PRPF6: variants seen among roughly 807,000 people sequenced by gnomAD.
The protein encoded by PRPF6 is pre-mRNA processing factor 6, also known as pre-mRNA-processing factor 6.
A neutral mutation model predicts 118.3 loss-of-function variants in PRPF6; 42 were observed. The ratio of observed to expected loss-of-function variants is 0.35; its 90% CI spans 0.28 to 0.46. The LOEUF is 0.46. Ranked by LOEUF, PRPF6 falls within the 20% of genes least tolerant of loss-of-function variation. The pLI, the probability that PRPF6 is intolerant of heterozygous loss-of-function variation, is 1.00. For synonymous variants in PRPF6, 481 were observed against 485.1 expected, an observed-to-expected ratio of 0.99 and a Z score of 0.11; for missense variants, 662 against 1,255.7, an observed-to-expected ratio of 0.53 and a Z score of 7.15.
intron 3 of PRPF6, among the ~76,000 whole-genome samples, chr20:63,988,374 G>A (rs1482301412): frequency 6.6e-6 from 1 of 151,554 alleles, no homozygotes; most frequent in African/African-American, 2.4e-5. Flanking sequence ...GTGCACGCCT[G>A]TAGTCCCAGC....
intron 2 of PRPF6, among the ~76,000 whole-genome samples, chr20:63,983,941 C>G (rs1601506492): frequency 6.6e-6 from 1 of 152,188 alleles, no homozygotes; most frequent in Admixed American, 6.5e-5. Context: ...GCGTGAGCCA[C>G]TGCGCCTGGC....
At chr20:63,981,649 C>T (rs954554391) in intron 1 of PRPF6, among the ~76,000 whole-genome samples, 1 of 144,902 alleles carries the variant, frequency 6.9e-6, no homozygotes, top group Non-Finnish European at 1.5e-5. Flanking sequence ...ACACTCCCCC[C>T]CCCCGCCCGC....
chr20:64,027,194 C>T lies in PRPF6; in HGVS notation c.2205+36C>T. The T allele has an allele frequency of 6.2e-7, 1 of 1,610,298 alleles. No homozygotes were observed. Among genetic ancestry groups the T allele is most frequent in the South Asian group, 1.1e-5 (1 of 90,816 alleles). Reference sequence around the variant, plus strand: ...GCCTGCACCCTGGGGCTGCAGCTGACCCGGCATTCACAAAACTGAGCCCCC... The same window carrying T: ...GCCTGCACCCTGGGGCTGCAGCTGATCCGGCATTCACAAAACTGAGCCCCC... On this transcript the variant is annotated intron_variant, in intron 16 of 20. Transcript: ENST00000266079. This position sits in a 1 kb window ranked among gnomAD's most constrained non-coding sequence, Gnocchi z 6.5.
intron 3 of PRPF6, among the ~76,000 whole-genome samples, chr20:63,989,986 C>T (rs188308210): frequency 2.6e-5 from 4 of 151,062 alleles, no homozygotes; most frequent in Admixed American, 2.0e-4. Flanking sequence ...CCCAAGTAGC[C>T]GGGATTATAG....
intron 14 of PRPF6, 56 bp downstream of exon 14, chr20:64,024,749 G>T: frequency 6.3e-7 from 1 of 1,586,498 alleles, no homozygotes. Flanking sequence ...GCTGACCTGG[G>T]TGCTGACTGG....
intron 13 of PRPF6, among the ~76,000 whole-genome samples, chr20:64,024,352 C>T (rs1309544420): frequency 6.6e-6 from 1 of 152,106 alleles, no homozygotes; most frequent in Non-Finnish European, 1.5e-5. Context: ...TTTGTAGAAC[C>T]CTCTTCAGTA....
chr20:63,999,753 C>T lies in PRPF6; in HGVS notation c.1017C>T (p.Cys339=). Residue 339 remains cysteine, a synonymous_variant, in exon 8 of 21, where the codon TGC becomes TGT. Coordinates refer to ENST00000266079, the MANE Select transcript of PRPF6 (RefSeq NM_012469.4). The stretch of plus-strand genomic sequence containing the variant: ...TTATCATGAAGGGGACGGAGATGTG[C>T]CCCAAGGTGAGGTATTTCCTGGGAG... ...RNLIMKGTEM[C]PKSEDVWLEA... 1 of 1,614,072 alleles carries T rather than the reference C, an allele frequency of 6.2e-7. No individual in the cohort carries two copies.
At chr20:64,003,647 G>A (rs1194179985) in intron 9 of PRPF6, among the ~76,000 whole-genome samples, 2 of 152,176 alleles carry the variant, frequency 1.3e-5, no homozygotes, top group Admixed American at 6.5e-5. Context: ...CCAGCCTGGA[G>A]TGCAGTGGCA....
intron 3 of PRPF6, among the ~76,000 whole-genome samples, chr20:63,991,455 C>T (rs1286974151): frequency 1.3e-5 from 2 of 152,044 alleles, no homozygotes; most frequent in Admixed American, 1.3e-4. Flanking sequence ...CAGCAGGTGA[C>T]ACGGACCCAT....
chr20:63,996,350 AAAAC>A (rs1415562125), intron 6 of PRPF6, among the ~76,000 whole-genome samples: 4 of 152,138 alleles, frequency 2.6e-5, no homozygotes, highest in Non-Finnish European at 1.5e-5. Flanking sequence ...ATAAAAAACA[AAAAC>A]AAAAACAAAA....
At chr20:64,002,650 T>G (rs1044672873) in intron 9 of PRPF6, among the ~76,000 whole-genome samples, 1 of 148,676 alleles carries the variant, frequency 6.7e-6, no homozygotes, top group African/African-American at 2.5e-5. Context: ...CTTTTCTTTT[T>G]TTTTTTTTTT....
intron 3 of PRPF6, among the ~76,000 whole-genome samples, chr20:63,988,742 G>T (rs1479013325): frequency 6.6e-6 from 1 of 151,888 alleles, no homozygotes; most frequent in Non-Finnish European, 1.5e-5. Context: ...GGTGACAGGT[G>T]CCTGTAATCC....
intron 2 of PRPF6, 135 bp from the exon 3 acceptor site, chr20:63,984,772 G>C: frequency 2.9e-6 from 2 of 683,022 alleles, no homozygotes; most frequent in Middle Eastern, 3.8e-4. Context: ...TTATATGGTA[G>C]ACTGTCCCTT....
At chr20:64,002,013 G>GGT (rs1181646993) in intron 9 of PRPF6, among the ~76,000 whole-genome samples, 1 of 65,244 alleles carries the variant, frequency 1.5e-5, no homozygotes, top group East Asian at 5.2e-4. Flanking sequence ...TTTTTTTTCT[G>GGT]GTTTTTTTTT....
chr20:64,026,906 T>G lies in PRPF6; in HGVS notation c.2029-76T>G. The G allele has an allele frequency of 6.8e-7, 1 of 1,460,186 alleles. No homozygotes were observed. Among genetic ancestry groups the G allele is most frequent in the Non-Finnish European group, 9.6e-7 (1 of 1,042,024 alleles). The allele number at this position is 1,460,186 out of a possible 1,614,324, so 90.5% of individuals were successfully genotyped here. A position where few individuals can be genotyped will look rare whatever the true frequency, so the allele number is the denominator to read the frequency against. ...GTACACACAGTACTGCAGGTAACAG[T>G]GTTGAGGATGAGTGTACCATGAAGC... is the stretch of plus-strand genomic sequence containing the variant. On this transcript the variant is annotated intron_variant, in intron 15 of 20. Coordinates refer to ENST00000266079, the MANE Select transcript of PRPF6 (RefSeq NM_012469.4). The surrounding 1 kb of genome is among the most constrained non-coding windows in gnomAD (Gnocchi z 4.4).
intron 14 of PRPF6, among the ~76,000 whole-genome samples, chr20:64,025,027 C>T (rs1015519136): frequency 1.3e-4 from 20 of 152,066 alleles, no homozygotes; most frequent in African/African-American, 4.8e-4. Context: ...CCTGAGGGTG[C>T]CTGGTTGTCA....
intron 5 of PRPF6, 73 bp downstream of exon 5, chr20:63,995,165 T>C (rs1414510156): frequency 6.2e-7 from 1 of 1,605,114 alleles, no homozygotes; most frequent in East Asian, 2.2e-5. Context: ...GTGGGTGGTG[T>C]TGGATTCAAT....
intron 9 of PRPF6, among the ~76,000 whole-genome samples, chr20:64,009,751 G>A (rs949360797): frequency 2.6e-5 from 4 of 152,074 alleles, no homozygotes; most frequent in Admixed American, 6.6e-5. Context: ...TTCCATCCCC[G>A]CAGAAAGTCC....
chr20:64,025,387 G>A (rs560336519), intron 14 of PRPF6, among the ~76,000 whole-genome samples: 2 of 152,316 alleles, frequency 1.3e-5, no homozygotes, highest in South Asian at 2.1e-4. Flanking sequence ...CCTGGGCACC[G>A]GGCTGGGGAG....
Sources: gnomAD v4.1 joint callset for allele counts (sites outside exome capture counted in the v4.1 genomes callset) on GRCh38, gnomAD v4.1.1 for gene constraint, Gnocchi (gnomAD v3.1) non-coding constraint, MANE v1.5 for transcripts, NCBI Gene and HGNC (gene_info 2026-07-23, HGNC 2026-07-21) for gene names.